LRRTM3: variants seen among roughly 807,000 people sequenced by gnomAD.
LRRTM3 encodes the protein leucine rich repeat transmembrane neuronal 3.
Under a neutral mutation model 44.7 loss-of-function variants are expected in LRRTM3, and 24 were observed. The observed-to-expected ratio is 0.54, with a 90% CI of 0.39 to 0.76. The LOEUF is 0.76. Ranked by LOEUF, LRRTM3 falls within the 30% of genes least tolerant of loss-of-function variation. LRRTM3 has a pLI of 0.00. For synonymous variants in LRRTM3, 277 were observed against 278.7 expected (o/e 0.99, Z 0.06); for missense variants, 587 against 702.2 (o/e 0.84, Z 1.85).
At chr10:67,041,612 T>C (rs953615184) in intron 2 of LRRTM3, among the ~76,000 whole-genome samples, 17 of 152,136 alleles carry the variant, frequency 1.1e-4, no homozygotes, top group African/African-American at 4.1e-4. Flanking sequence ...TGTATTGTCA[T>C]TTTCAAACTC....
chr10:66,997,159 C>T (rs1266935239), intron 2 of LRRTM3, among the ~76,000 whole-genome samples: 2 of 152,220 alleles, frequency 1.3e-5, no homozygotes, highest in East Asian at 1.9e-4. Flanking sequence ...TAGTGTCAAG[C>T]ATTTGGCAAA....
At chr10:66,978,552 A>AAAAATATAT in intron 2 of LRRTM3, among the ~76,000 whole-genome samples, 4 of 37,884 alleles carry the variant, frequency 1.1e-4, no homozygotes, top group African/African-American at 3.5e-4. Flanking sequence ...AAAAAAAAAA[A>AAAAATATAT]ATATATATAT....
intron 2 of LRRTM3, among the ~76,000 whole-genome samples, chr10:67,051,163 A>T (rs1855065909): frequency 6.6e-6 from 1 of 152,226 alleles, no homozygotes; most frequent in Non-Finnish European, 1.5e-5. Flanking sequence ...CCCTGGCAGG[A>T]ATGAGATCTC....
intron 2 of LRRTM3, among the ~76,000 whole-genome samples, chr10:66,978,546 A>ATAAAAAT (rs1465025333): frequency 3.3e-4 from 24 of 71,732 alleles, no homozygotes; most frequent in Admixed American, 5.7e-4. Flanking sequence ...AAAAAAAAAA[A>ATAAAAAT]AAAAAAATAT....
At chr10:67,026,253 T>C (rs1046022298) in intron 2 of LRRTM3, among the ~76,000 whole-genome samples, 1 of 151,690 alleles carries the variant, frequency 6.6e-6, no homozygotes, top group Admixed American at 6.6e-5. Context: ...AAACTTAAAG[T>C]ATAATAATAA....
intron 2 of LRRTM3, among the ~76,000 whole-genome samples, chr10:66,982,668 AAG>A (rs1218756624): frequency 6.6e-5 from 10 of 152,242 alleles, no homozygotes; most frequent in African/African-American, 2.4e-4. Flanking sequence ...AATAGAATAA[AAG>A]AGATCAATGA....
chr10:67,075,889 G>A (rs535981615), intron 2 of LRRTM3, among the ~76,000 whole-genome samples: 1 of 152,308 alleles, frequency 6.6e-6, no homozygotes, highest in East Asian at 1.9e-4. Context: ...TTCTTTCAAC[G>A]AAGGTGTGGA....
intron 2 of LRRTM3, among the ~76,000 whole-genome samples, chr10:67,044,956 T>C (rs1283988308): frequency 1.3e-5 from 2 of 152,156 alleles, no homozygotes; most frequent in Non-Finnish European, 2.9e-5. Flanking sequence ...GTAAATAAGA[T>C]TTGATATTTA....
intron 2 of LRRTM3, among the ~76,000 whole-genome samples, chr10:67,079,084 A>T (rs2131872457): frequency 1.3e-5 from 2 of 152,334 alleles, no homozygotes; most frequent in South Asian, 4.1e-4. Context: ...AATTCATAAT[A>T]TCTGGGAGGA....
At chr10:67,096,194 T>C (rs1459478218) in intron 2 of LRRTM3, among the ~76,000 whole-genome samples, 1 of 151,774 alleles carries the variant, frequency 6.6e-6, no homozygotes, top group African/African-American at 2.4e-5. Context: ...AAAGAAGTGA[T>C]TAGTTTTATT....
intron 2 of LRRTM3, among the ~76,000 whole-genome samples, chr10:67,042,151 T>C (rs1372751694): frequency 6.6e-6 from 1 of 152,142 alleles, no homozygotes; most frequent in East Asian, 1.9e-4. Context: ...AATTCTAAAA[T>C]GTGTTTTATG....
chr10:67,039,498 C>G (rs1854267254), intron 2 of LRRTM3, among the ~76,000 whole-genome samples: 1 of 152,042 alleles, frequency 6.6e-6, no homozygotes, highest in African/African-American at 2.4e-5. Context: ...TTAAATTATG[C>G]CTCTATTTAC....
intron 2 of LRRTM3, among the ~76,000 whole-genome samples, chr10:67,035,927 T>C (rs894213538): frequency 1.3e-5 from 2 of 152,224 alleles, no homozygotes; most frequent in Non-Finnish European, 2.9e-5. Flanking sequence ...CTTTCTCCTT[T>C]CTGAAAACTA....
chr10:67,006,470 T>C (rs1851996719), intron 2 of LRRTM3, among the ~76,000 whole-genome samples: 1 of 152,206 alleles, frequency 6.6e-6, no homozygotes, highest in African/African-American at 2.4e-5. Context: ...TCATTTGCTT[T>C]GTAGTTTATT....
At chr10:67,021,340 C>T (rs1436775991) in intron 2 of LRRTM3, among the ~76,000 whole-genome samples, 2 of 152,018 alleles carry the variant, frequency 1.3e-5, no homozygotes, top group East Asian at 3.9e-4. Context: ...GTAAGAAGCA[C>T]TTGTATACAA....
At chr10:66,962,172 C>G (rs1849146151) in intron 2 of LRRTM3, among the ~76,000 whole-genome samples, 1 of 151,800 alleles carries the variant, frequency 6.6e-6, no homozygotes, top group African/African-American at 2.4e-5. Context: ...CTAGTGACAT[C>G]CCCCATTTCC....
At chr10:67,040,257 G>C (rs1854312439) in intron 2 of LRRTM3, among the ~76,000 whole-genome samples, 1 of 152,062 alleles carries the variant, frequency 6.6e-6, no homozygotes, top group South Asian at 2.1e-4. Context: ...GTGATCCTAA[G>C]GGTTCCAGAT....
chr10:66,974,094 G>A (rs1028877719), intron 2 of LRRTM3, among the ~76,000 whole-genome samples: 1 of 152,110 alleles, frequency 6.6e-6, no homozygotes, highest in African/African-American at 2.4e-5. Flanking sequence ...TCTGTAGTCA[G>A]TCTTCTTATG....
intron 2 of LRRTM3, among the ~76,000 whole-genome samples, chr10:67,058,178 A>G (rs939962334): frequency 2.0e-5 from 3 of 152,146 alleles, no homozygotes; most frequent in African/African-American, 4.8e-5. Flanking sequence ...TTATTTTGTG[A>G]TCACATTTCT....
Sources: allele counts gnomAD v4.1 joint callset (sites outside exome capture counted in the v4.1 genomes callset), GRCh38; gene constraint gnomAD v4.1.1; transcripts MANE v1.5; gene names NCBI Gene and HGNC (gene_info 2026-07-23, HGNC 2026-07-21).